GATA4: variants seen among roughly 807,000 people sequenced by gnomAD.
GATA4 encodes GATA binding protein 4, also known as transcription factor GATA-4.
Under a neutral mutation model 37.9 loss-of-function variants are expected in GATA4, and 7 were observed. That is an observed-to-expected ratio of 0.18 (90% CI 0.11 to 0.35). The LOEUF is 0.35. GATA4 is among the 10% of genes least tolerant of loss of function. GATA4 has a pLI of 1.00. For missense variants in GATA4, 647 were observed against 653.0 expected (o/e 0.99, Z 0.10); for synonymous variants, 372 against 292.6 (o/e 1.27, Z -2.77).
intron 1 of GATA4, among the ~76,000 whole-genome samples, chr8:11,683,553 C>A (rs554558090): frequency 6.6e-5 from 10 of 152,116 alleles, no homozygotes; most frequent in African/African-American, 2.4e-4. Context: ...CTAAATCCAT[C>A]CCCCCATTCT....
intron 1 of GATA4, chr8:11,692,672 G>A (rs531854751): frequency 2.0e-6 from 2 of 985,184 alleles, no homozygotes; most frequent in African/African-American, 1.7e-5. Flanking sequence ...TGCGTGCGGG[G>A]GTGCGGGGGT....
At chr8:11,737,074 G>T (rs1801496517) in intron 2 of GATA4, among the ~76,000 whole-genome samples, 1 of 152,038 alleles carries the variant, frequency 6.6e-6, no homozygotes, top group Admixed American at 6.5e-5. Flanking sequence ...TGACTCGGTG[G>T]ATTAGCAGGA....
At chr8:11,720,093 G>A (rs919215875) in intron 2 of GATA4, among the ~76,000 whole-genome samples, 3 of 151,628 alleles carry the variant, frequency 2.0e-5, no homozygotes, top group Admixed American at 2.0e-4. Context: ...AGAAACCCTG[G>A]GCTCCTCTCC....
At chr8:11,743,514 C>A (rs542134457) in intron 2 of GATA4, among the ~76,000 whole-genome samples, 4 of 152,346 alleles carry the variant, frequency 2.6e-5, no homozygotes, top group Admixed American at 2.6e-4. Context: ...GCAGCAGTGG[C>A]CTGAGCTGTC....
intron 2 of GATA4, among the ~76,000 whole-genome samples, chr8:11,722,819 T>C (rs1245295995): frequency 6.6e-6 from 1 of 152,228 alleles, no homozygotes. Flanking sequence ...CTAATGGTAA[T>C]ATTCTACTGC....
intron 2 of GATA4, among the ~76,000 whole-genome samples, chr8:11,713,265 G>C (rs770575609): frequency 6.6e-6 from 1 of 152,170 alleles, no homozygotes; most frequent in Admixed American, 6.5e-5. Context: ...TATGAGCTAC[G>C]ACCCTAAGAC....
At chr8:11,723,315 C>T (rs979850797) in intron 2 of GATA4, among the ~76,000 whole-genome samples, 1 of 151,720 alleles carries the variant, frequency 6.6e-6, no homozygotes, top group African/African-American at 2.4e-5. Flanking sequence ...ATGGTCCAAC[C>T]ACTGCAATCA....
chr8:11,692,270 C>T (rs979219027), upstream of GATA4, among the ~76,000 whole-genome samples: 2 of 152,220 alleles, frequency 1.3e-5, no homozygotes, highest in Non-Finnish European at 2.9e-5. Flanking sequence ...ATGAACTAAG[C>T]TCCATCACAC....
At chr8:11,679,583 G>T (rs1798888424) in intron 1 of GATA4, among the ~76,000 whole-genome samples, 1 of 152,154 alleles carries the variant, frequency 6.6e-6, no homozygotes, top group South Asian at 2.1e-4. Flanking sequence ...GCGCGCAGCC[G>T]GGGAGAGGAG....
At chr8:11,734,576 T>C (rs186890330) in intron 2 of GATA4, among the ~76,000 whole-genome samples, 393 of 152,350 alleles carry the variant, frequency 2.6e-3, no homozygotes, top group African/African-American at 8.9e-3. Context: ...AACCTCCGCC[T>C]CCTGGGTTCA....
intron 4 of GATA4, 126 bp from the exon 5 acceptor site, chr8:11,754,920 C>A: frequency 1.3e-6 from 1 of 751,222 alleles, no homozygotes; most frequent in South Asian, 1.5e-5. Flanking sequence ...TGCAGCCCGT[C>A]TGGGCCCCAG....
rs556111264 is a variant in GATA4, at chr8:11,709,547, C to G, written c.616+619C>G. On this transcript the variant is annotated intron_variant, in intron 2 of 6. Transcript: ENST00000532059. The surrounding 1 kb of genome is among the most constrained non-coding windows in gnomAD (Gnocchi z 4.3). ...CGGCACTGTGCGGGTGCCACCCGGC[C>G]GAGCGCGTGGGCGCATCATGCGGGC... Among the ~76,000 whole-genome samples, 10 of 123,428 alleles carry G rather than the reference C, an allele frequency of 8.1e-5. No homozygotes were observed. The East Asian group carries it at 1.6e-3, about 20-fold the overall frequency. 81.0% of individuals were successfully genotyped at this position (123,428 alleles called of 152,430 possible). A position where few individuals can be genotyped will look rare whatever the true frequency, so the allele number is the denominator to read the frequency against.
intron 2 of GATA4, among the ~76,000 whole-genome samples, chr8:11,746,651 AG>A (rs1427736453): frequency 6.6e-6 from 1 of 152,232 alleles, no homozygotes; most frequent in East Asian, 1.9e-4. Flanking sequence ...CCTGGATGAA[AG>A]AAGCGGGGCT....
chr8:11,698,712 C>T (rs1478164951), intron 1 of GATA4, among the ~76,000 whole-genome samples: 1 of 152,186 alleles, frequency 6.6e-6, no homozygotes, highest in Non-Finnish European at 1.5e-5. Flanking sequence ...GTCTAACAGC[C>T]TAAGCATCTG....
intron 2 of GATA4, among the ~76,000 whole-genome samples, chr8:11,721,097 G>T (rs1800653008): frequency 6.6e-6 from 1 of 151,824 alleles, no homozygotes; most frequent in Non-Finnish European, 1.5e-5. Context: ...CTAGGGGAGG[G>T]AACACGTGGA....
intron 5 of GATA4, 178 bp from the exon 6 acceptor site, chr8:11,756,757 G>C: frequency 1.3e-6 from 1 of 797,974 alleles, no homozygotes; most frequent in Non-Finnish European, 2.1e-6. Context: ...GATGAGATAG[G>C]GGGAAGAAGC....
intron 1 of GATA4, among the ~76,000 whole-genome samples, chr8:11,693,439 A>G (rs773589663): frequency 2.0e-5 from 3 of 151,900 alleles, no homozygotes; most frequent in Non-Finnish European, 2.9e-5. Flanking sequence ...GCCTGGTGAC[A>G]GAGTGAGACC....
intron 1 of GATA4, among the ~76,000 whole-genome samples, chr8:11,678,761 A>G (rs1386914134): frequency 6.6e-6 from 1 of 152,218 alleles, no homozygotes; most frequent in Non-Finnish European, 1.5e-5. Flanking sequence ...GTCCCACTTT[A>G]TGAACTATTT....
chr8:11,749,854 G>A lies in GATA4; in HGVS notation c.787-257G>A, dbSNP rs563315908. On this transcript the variant is annotated intron_variant, in intron 3 of 6. Coordinates refer to ENST00000532059, the MANE Select transcript of GATA4 (RefSeq NM_001308093.3). The surrounding 1 kb of genome is among the most constrained non-coding windows in gnomAD (Gnocchi z 4.6). Reference sequence around the variant, plus strand: ...GGTTATTCGCCTGACGGTGAATGATGGTTAGGACTGGAAACCAGGTCTCGA... The same window carrying A: ...GGTTATTCGCCTGACGGTGAATGATAGTTAGGACTGGAAACCAGGTCTCGA... Among the ~76,000 whole-genome samples, 5 of 152,340 alleles carry A rather than the reference G, an allele frequency of 3.3e-5. No individual in the cohort carries two copies. The South Asian group carries it at 1.0e-3, about 32-fold the overall frequency.
Sources: gnomAD v4.1 joint callset for allele counts (sites outside exome capture counted in the v4.1 genomes callset) on GRCh38, gnomAD v4.1.1 for gene constraint, Gnocchi (gnomAD v3.1) non-coding constraint, MANE v1.5 for transcripts, NCBI Gene and HGNC (gene_info 2026-07-23, HGNC 2026-07-21) for gene names.